Variants in STX12 observed in about 807,000 individuals in gnomAD.
STX12 encodes the protein syntaxin-12.
In STX12, 17 loss-of-function variants were observed where a neutral mutation model predicts 42.2. That is an observed-to-expected ratio of 0.40 (90% CI 0.28 to 0.60). STX12 has a LOEUF of 0.60. Among genes scored for constraint, STX12 ranks in the 20% least tolerant of loss-of-function variants. The pLI is 0.39. For synonymous variants in STX12, 108 were observed against 116.7 expected (o/e 0.93, Z 0.48); for missense variants, 297 against 330.9 (o/e 0.90, Z 0.79).
At position 27,794,306 on chromosome 1, in the gene STX12, C is replaced by T. The variant is rs182035254; in HGVS notation, c.288+674C>T. Reference sequence around the variant, plus strand: ...CCTCCCAAAGTGTTGGGATTACAGGCGTGAGCCCCATGCCCAGGGTTCCTA... The same window carrying T: ...CCTCCCAAAGTGTTGGGATTACAGGTGTGAGCCCCATGCCCAGGGTTCCTA... On this transcript the variant is annotated intron_variant, in intron 3 of 8. Coordinates refer to ENST00000373943, the MANE Select transcript of STX12 (RefSeq NM_177424.3). Among the ~76,000 whole-genome samples the T allele has an allele frequency of 8.5e-4, 129 of 152,262 alleles. 1 individual carries two copies. Among genetic ancestry groups the T allele is most frequent in the African/African-American group, 2.9e-3 (120 of 41,564 alleles).
At chr1:27,784,147 T>G (rs920524443) in intron 1 of STX12, among the ~76,000 whole-genome samples, 1 of 151,878 alleles carries the variant, frequency 6.6e-6, no homozygotes, top group Non-Finnish European at 1.5e-5. Context: ...ACCATTGCAC[T>G]CCAGCCTGGG....
At chr1:27,801,004 ATC>A (rs1463199160) in intron 3 of STX12, among the ~76,000 whole-genome samples, 1 of 152,248 alleles carries the variant, frequency 6.6e-6, no homozygotes, top group African/African-American at 2.4e-5. Flanking sequence ...GCTAAAACCC[ATC>A]TCTGTTTGGA....
At chr1:27,812,443 G>T (rs1344782658) in intron 6 of STX12, among the ~76,000 whole-genome samples, 175 bp downstream of exon 6, 18 of 144,618 alleles carry the variant, frequency 1.2e-4, no homozygotes, top group Admixed American at 5.5e-4. Flanking sequence ...GGTTTTTTTT[G>T]TTTTTTTTTT....
rs916431334 is a variant in STX12, at chr1:27,823,896, G to A, written c.*1567G>A. ...GAGGGTTGGTTTGGAGACGGAATAGGTGTAGCTGCCTTTCCTTGAAAAACA... is the reference window on the plus strand; with the variant it reads ...GAGGGTTGGTTTGGAGACGGAATAGATGTAGCTGCCTTTCCTTGAAAAACA... On this transcript the variant is annotated 3_prime_UTR_variant, in exon 9 of 9. Transcript: ENST00000373943. 1 of 152,214 alleles carries A rather than the reference G, an allele frequency of 6.6e-6. No individual in the cohort carries two copies. Among genetic ancestry groups the A allele is most frequent in the African/African-American group, 2.4e-5 (1 of 41,434 alleles). The allele number at this position is 152,214 out of a possible 1,614,324, so 9.4% of individuals were successfully genotyped here. A position where few individuals can be genotyped will look rare whatever the true frequency, so the allele number is the denominator to read the frequency against.
rs2088994224 is a variant in STX12 at position 27,822,784 on chromosome 1, A to G, written c.*455A>G. 6.5e-6 allele frequency: 1 copy of G among 153,302 alleles called. No homozygotes were observed. Among genetic ancestry groups the G allele is most frequent in the African/African-American group, 2.4e-5 (1 of 41,458 alleles). 9.5% of individuals were successfully genotyped at this position (153,302 alleles called of 1,614,324 possible). On this transcript the variant is annotated 3_prime_UTR_variant, in exon 9 of 9. Transcript: ENST00000373943. ...ATAGGCCACCAGTTTTTATTATTTAACATTTTTATTTGAATTTCTAAGAAG... is the reference window on the plus strand; with the variant it reads ...ATAGGCCACCAGTTTTTATTATTTAGCATTTTTATTTGAATTTCTAAGAAG...
intron 1 of STX12, among the ~76,000 whole-genome samples, chr1:27,776,952 C>T (rs2088631961): frequency 6.6e-6 from 1 of 152,130 alleles, no homozygotes; most frequent in Admixed American, 6.6e-5. Context: ...CAGTACTTAT[C>T]TCAGTCCCAA....
rs550326327 is a variant in STX12 at position 27,793,410 on chromosome 1, G to A, written c.189-123G>A. 13 of 726,176 alleles carry A rather than the reference G, an allele frequency of 1.8e-5. No homozygotes were observed. In the South Asian group the frequency reaches 2.2e-4, roughly 12 times the overall value. 45.0% of individuals were successfully genotyped at this position (726,176 alleles called of 1,614,324 possible). On this transcript the variant is annotated intron_variant, in intron 2 of 8. Coordinates refer to ENST00000373943, the MANE Select transcript of STX12 (RefSeq NM_177424.3). ...TTTTGTTGTGAACCTGGGCATCTAG[G>A]GACTCATTTCTTCAAATGGCCCTTC...
intron 6 of STX12, among the ~76,000 whole-genome samples, chr1:27,815,710 A>G (rs1484615608): frequency 2.0e-5 from 3 of 152,212 alleles, no homozygotes; most frequent in Admixed American, 6.5e-5. Context: ...ATAGTCCACT[A>G]TAGTAGACTC....
chr1:27,777,620 C>T lies in STX12; in HGVS notation c.118+4195C>T, dbSNP rs1439497907. Among the ~76,000 whole-genome samples, 3 of 152,172 alleles carry T rather than the reference C, an allele frequency of 2.0e-5. No homozygotes were observed. The East Asian group carries it at 5.8e-4, about 29-fold the overall frequency. ...GATTCTTCCAGGCCGGACACGGTGA[C>T]TCACGCCTGTAATCCCAGCACTTTG... On this transcript the variant is annotated intron_variant, in intron 1 of 8. Transcript: ENST00000373943.
intron 3 of STX12, among the ~76,000 whole-genome samples, chr1:27,794,630 A>G: frequency 6.6e-6 from 1 of 152,034 alleles, no homozygotes; most frequent in Middle Eastern, 3.2e-3. Flanking sequence ...GGTCTCCAGT[A>G]AAAAAAACTT....
intron 1 of STX12, among the ~76,000 whole-genome samples, chr1:27,778,827 G>C (rs758666751): frequency 6.6e-6 from 1 of 151,918 alleles, no homozygotes; most frequent in Admixed American, 6.6e-5. Flanking sequence ...GTGTGCAATC[G>C]TAGTCCACTG....
intron 1 of STX12, among the ~76,000 whole-genome samples, chr1:27,779,343 G>GC (rs2088650499): frequency 6.9e-6 from 1 of 144,186 alleles, no homozygotes; most frequent in African/African-American, 2.6e-5. Flanking sequence ...GTTTTTTTTT[G>GC]TTTTTTTTTG....
chr1:27,793,300 C>T (rs1252221041), intron 2 of STX12, among the ~76,000 whole-genome samples: 1 of 152,212 alleles, frequency 6.6e-6, no homozygotes, highest in Admixed American at 6.5e-5. Context: ...CCGATCTGTG[C>T]TTTCTTCAGC....
intron 1 of STX12, among the ~76,000 whole-genome samples, chr1:27,777,147 A>G (rs1460415128): frequency 6.9e-6 from 1 of 145,490 alleles, no homozygotes; most frequent in Non-Finnish European, 1.6e-5. Flanking sequence ...GTCAAGTAAT[A>G]ATAAATGCTA....
chr1:27,778,645 C>T (rs944191957), intron 1 of STX12, among the ~76,000 whole-genome samples: 1 of 150,242 alleles, frequency 6.7e-6, no homozygotes, highest in African/African-American at 2.5e-5. Context: ...AAACCAAGAC[C>T]AAGATCGCTC....
chr1:27,785,277 C>T (rs1294993095), intron 1 of STX12, among the ~76,000 whole-genome samples: 2 of 152,076 alleles, frequency 1.3e-5, no homozygotes, highest in African/African-American at 4.8e-5. Context: ...TATACATACA[C>T]AAAAATGAGT....
Position 27,791,359 on chromosome 1 carries a change from C to T in STX12, c.188+1728C>T, listed in dbSNP as rs570792320. 5.9e-5 allele frequency among the ~76,000 whole-genome samples: 9 copies of T among 152,196 alleles called. No homozygotes were observed. The East Asian group carries it at 1.7e-3, about 29-fold the overall frequency. On this transcript the variant is annotated intron_variant, in intron 2 of 8. Coordinates refer to ENST00000373943, the MANE Select transcript of STX12 (RefSeq NM_177424.3). Reference sequence around the variant, plus strand: ...TAAGGACTTGGCAGGAGGCCTGGAACCAATCCCCCGTGGATACTGAGGGAC... The same window carrying T: ...TAAGGACTTGGCAGGAGGCCTGGAATCAATCCCCCGTGGATACTGAGGGAC...
chr1:27,796,955 T>C (rs1374838496), intron 3 of STX12, among the ~76,000 whole-genome samples: 4 of 152,166 alleles, frequency 2.6e-5, no homozygotes, highest in African/African-American at 7.2e-5. Flanking sequence ...TCTGCCAGCC[T>C]TGGCCTCCCA....
intron 8 of STX12, 97 bp from the exon 9 acceptor site, chr1:27,822,130 TTTAA>T: frequency 3.9e-6 from 3 of 762,746 alleles, no homozygotes; most frequent in Non-Finnish European, 6.9e-6. Flanking sequence ...AGAGTTAATC[TTTAA>T]TTACAAGGAG....
Sources: gnomAD v4.1 joint callset for allele counts (sites outside exome capture counted in the v4.1 genomes callset) on GRCh38, gnomAD v4.1.1 for gene constraint, MANE v1.5 for transcripts, NCBI Gene and HGNC (gene_info 2026-07-23, HGNC 2026-07-21) for gene names.